The following CEP152 variants were observed in gnomAD, a reference collection of about 807,000 sequenced individuals.
CEP152 encodes centrosomal protein 152.
A neutral mutation model predicts 188.9 loss-of-function variants in CEP152; 132 were observed. The ratio of observed to expected loss-of-function variants is 0.70; its 90% confidence interval spans 0.61 to 0.81. The LOEUF (loss-of-function observed/expected upper bound fraction) is 0.81. CEP152 is among the 30% of genes least tolerant of loss of function. The pLI is 0.00. For missense variants in CEP152, 1,914 were observed against 1,969.8 expected (o/e 0.97, Z 0.54); for synonymous variants, 649 against 666.6 (o/e 0.97, Z 0.41).
At chr15:48,796,770 C>T (rs903607610) in intron 5 of CEP152, among the ~76,000 whole-genome samples, 1 of 152,140 alleles carries the variant, frequency 6.6e-6, no homozygotes, top group Non-Finnish European at 1.5e-5. Flanking sequence ...CTTCATTAAA[C>T]TCCCCCCCAG....
In CEP152 at chr15:48,781,788, GA is replaced by G. The variant is rs552355076; in HGVS notation, c.1413+350del. ...CCCATATTTTCCTCCCCCTCCAGTG[GA>G]AAATGTAAATAGCACTGGAGGAGGA... On this transcript the variant is annotated intron_variant, in intron 11 of 26. Transcript: ENST00000380950. Among the ~76,000 whole-genome samples, 387 of 152,266 alleles carry G rather than the reference GA, an allele frequency of 2.5e-3. 2 individuals are homozygous for G. The highest frequency in any genetic ancestry group is 8.9e-3 in the African/African-American group (371 of 41,546).
chr15:48,756,118 C>T lies in CEP152; in HGVS notation c.3130G>A (p.Glu1044Lys). The T allele has an allele frequency of 1.2e-6, 2 of 1,614,126 alleles. No homozygotes were observed. Among genetic ancestry groups the T allele is most frequent in the African/African-American group, 2.7e-5 (2 of 75,050 alleles). The change falls in exon 20 of 27, where the codon GAA (glutamate) becomes AAA (lysine). Residue 1044 changes from glutamate (E) to lysine (K), a missense_variant. Physicochemically the swap from Glu to Lys is moderately conservative, Grantham distance 56. Coordinates refer to ENST00000380950, the MANE Select transcript of CEP152 (RefSeq NM_001194998.2). The stretch of plus-strand genomic sequence containing the variant: ...ACCCCAAGTACAGTCAGGATGTCTT[C>T]CTCATACTGATAGATTTCCAGTTGG... ...RIQLEIYQYE[E>K]DILTVLGVLL...
chr15:48,796,563 C>A (rs1325056981), intron 5 of CEP152, among the ~76,000 whole-genome samples: 1 of 152,040 alleles, frequency 6.6e-6, no homozygotes, highest in Non-Finnish European at 1.5e-5. Context: ...TGAACATGGA[C>A]CACGGTGCCT....
At chr15:48,754,486 T>A (rs2140656549) in intron 20 of CEP152, among the ~76,000 whole-genome samples, 1 of 152,324 alleles carries the variant, frequency 6.6e-6, no homozygotes, top group Non-Finnish European at 1.5e-5. Context: ...TATAATTTTT[T>A]AATTATATGT....
At chr15:48,782,361 A>C in intron 10 of CEP152, 131 bp from the exon 11 acceptor site, 1 of 771,348 alleles carries the variant, frequency 1.3e-6, no homozygotes. Context: ...TCTCTTTAGA[A>C]TACATAGAGC....
At chr15:48,757,112 GA>G (rs796998277) in intron 19 of CEP152, among the ~76,000 whole-genome samples, 2 of 151,952 alleles carry the variant, frequency 1.3e-5, no homozygotes, top group Non-Finnish European at 2.9e-5. Flanking sequence ...GTGGATCACA[GA>G]AAAAAACAGG....
At chr15:48,732,424 T>C (rs947985687) in intron 2 of CEP152, among the ~76,000 whole-genome samples, 1 of 152,026 alleles carries the variant, frequency 6.6e-6, no homozygotes, top group Non-Finnish European at 1.5e-5. Context: ...CTCAGCAAAC[T>C]ATCACAGGAA....
chr15:48,732,654 A>ATTTT (rs58160084), intron 2 of CEP152, among the ~76,000 whole-genome samples: 16 of 144,194 alleles, frequency 1.1e-4, no homozygotes, highest in African/African-American at 3.8e-4. Flanking sequence ...CTGCACATGT[A>ATTTT]TTTTTTTTTT....
At chr15:48,752,693 C>T (rs908174890) in intron 20 of CEP152, among the ~76,000 whole-genome samples, 1 of 152,050 alleles carries the variant, frequency 6.6e-6, no homozygotes, top group African/African-American at 2.4e-5. Context: ...GTCTGACAGG[C>T]GACTGGTGGG....
In CEP152 at chr15:48,772,671, G is replaced by T. The variant is rs374376744; in HGVS notation, c.1598C>A (p.Pro533Gln). 4.3e-5 allele frequency: 69 copies of T among 1,613,836 alleles called. No individual in the cohort carries two copies. Among genetic ancestry groups the T allele is most frequent in the Non-Finnish European group, 5.8e-5 (68 of 1,179,932 alleles). ...KVTSIVQEEDPNEELSKDEFI... is the reference protein window; with the variant it reads ...KVTSIVQEEDQNEELSKDEFI... ...CTCATCTTTTGAAAGCTCTTCATTT[G>T]GGTCTTCTTCTTGTACAATGCTAAT... is the stretch of plus-strand genomic sequence containing the variant. Residue 533 changes from proline to glutamine, a missense_variant, in exon 13 of 27, where the codon CCA becomes CAA. By Grantham distance (76) the Pro-to-Gln change is moderately conservative. Coordinates refer to ENST00000380950, the MANE Select transcript of CEP152 (RefSeq NM_001194998.2).
intron 2 of CEP152, chr15:48,729,393 C>G (rs987225102): frequency 2.0e-5 from 3 of 151,908 alleles, no homozygotes; most frequent in Non-Finnish European, 4.4e-5. Flanking sequence ...AAAAATTAGC[C>G]AAGTGCAGTG....
At chr15:48,754,089 C>T (rs1044406409) in intron 20 of CEP152, among the ~76,000 whole-genome samples, 1 of 152,096 alleles carries the variant, frequency 6.6e-6, no homozygotes, top group Non-Finnish European at 1.5e-5. Context: ...GTGAAGATAG[C>T]TCGAAAATGG....
At chr15:48,753,611 T>C (rs960359508) in intron 20 of CEP152, among the ~76,000 whole-genome samples, 1 of 152,120 alleles carries the variant, frequency 6.6e-6, no homozygotes, top group Non-Finnish European at 1.5e-5. Context: ...TGAACCAAAA[T>C]GCAGTCAGTG....
chr15:48,760,075 G>A, intron 19 of CEP152, 60 bp downstream of exon 19: 1 of 1,609,918 alleles, frequency 6.2e-7, no homozygotes, highest in Non-Finnish European at 8.5e-7. Flanking sequence ...CAAGGACTGA[G>A]ATAAGAGAAG....
At chr15:48,746,877 T>C (rs947886795) in intron 22 of CEP152, among the ~76,000 whole-genome samples, 2 of 152,018 alleles carry the variant, frequency 1.3e-5, no homozygotes, top group Non-Finnish European at 2.9e-5. Flanking sequence ...GAGGAAGTAA[T>C]GTATTGGGGA....
At chr15:48,780,668 C>T (rs540868166) in intron 12 of CEP152, among the ~76,000 whole-genome samples, 4 of 152,160 alleles carry the variant, frequency 2.6e-5, no homozygotes, top group Non-Finnish European at 5.9e-5. Context: ...TGTGTAAATC[C>T]CACCTCTATA....
In CEP152 at chr15:48,739,014, C is replaced by T. The variant is rs377560589; in HGVS notation, c.4368G>A (p.Leu1456=). Residue 1456 remains leucine (L), a synonymous_variant, in exon 27 of 27, where the codon TTG becomes TTA. Transcript: ENST00000380950. The part of the protein sequence containing the change: ...GDGSCKHLNS[L]PRNVSPEFVP... Reference sequence around the variant, plus strand: ...CAAACTCAGGAGAAACATTCCTTGGCAAACTGTTTAGGTGCTTGCAACTAC... The same window carrying T: ...CAAACTCAGGAGAAACATTCCTTGGTAAACTGTTTAGGTGCTTGCAACTAC... 27 of 1,613,988 alleles carry T rather than the reference C, an allele frequency of 1.7e-5. No individual in the cohort carries two copies. Among genetic ancestry groups the T allele is most frequent in the Non-Finnish European group, 1.9e-5 (23 of 1,180,000 alleles).
chr15:48,752,620 T>C, intron 20 of CEP152, 151 bp from the exon 21 acceptor site: 1 of 1,358,794 alleles, frequency 7.4e-7, no homozygotes, highest in Non-Finnish European at 9.7e-7. Flanking sequence ...CTTAGGGTGT[T>C]ATATAAGTAC....
rs115269283 is a variant in CEP152 at position 48,775,780 on chromosome 15, T to A, written c.1578-3089A>T. Among the ~76,000 whole-genome samples the A allele has an allele frequency of 3.5e-3, 535 of 151,618 alleles. 3 individuals carry two copies. The highest frequency in any genetic ancestry group is 0.013 in the African/African-American group (519 of 41,360). ...GGAATGACTGGTAATAGGCATGGAG[T>A]TTCTTTGGGGGGATGTTGAAATGCT... On this transcript the variant is annotated intron_variant, in intron 12 of 26. Coordinates refer to ENST00000380950, the MANE Select transcript of CEP152 (RefSeq NM_001194998.2).
Sources: gnomAD v4.1 joint callset for allele counts (sites outside exome capture counted in the v4.1 genomes callset) on GRCh38, gnomAD v4.1.1 for gene constraint, MANE v1.5 for transcripts, NCBI Gene and HGNC (gene_info 2026-07-23, HGNC 2026-07-21) for gene names.